The following POLR3H variants were observed in gnomAD, a reference collection of about 807,000 sequenced individuals.
The protein encoded by POLR3H is DNA-directed RNA polymerase III subunit RPC8.
Under a neutral mutation model 25.5 loss-of-function variants are expected in POLR3H, and 17 were observed. The ratio of observed to expected loss-of-function variants is 0.67; its 90% CI spans 0.46 to 1.00. POLR3H has a LOEUF of 1.00. POLR3H is among the 50% of genes least tolerant of loss of function. The pLI, the probability that POLR3H is intolerant of heterozygous loss-of-function variation, is 0.00. For synonymous variants in POLR3H, 129 were observed against 103.0 expected, an observed-to-expected ratio of 1.25 and a Z score of -1.53; for missense variants, 274 against 265.0, an observed-to-expected ratio of 1.03 and a Z score of -0.24.
At position 41,526,530 on chromosome 22, in the gene POLR3H, A is replaced by G; in HGVS notation, c.*2753T>C. On this transcript the variant is annotated 3_prime_UTR_variant, in exon 6 of 6. Transcript: ENST00000355209. ...GCAAGGCAGGTGCAGGGAGGACATT[A>G]GGGGAGTGGAAACTGGGAAGGAGGC... The G allele has an allele frequency of 6.7e-7, 1 of 1,494,180 alleles. No homozygotes were observed. Among genetic ancestry groups the G allele is most frequent in the South Asian group, 1.3e-5 (1 of 76,916 alleles). 92.6% of individuals were successfully genotyped at this position (1,494,180 alleles called of 1,614,324 possible). A position where few individuals can be genotyped will look rare whatever the true frequency, so the allele number is the denominator to read the frequency against.
At chr22:41,532,515 AG>A (rs1159228396) in intron 3 of POLR3H, 143 bp downstream of exon 3, 2 of 1,451,346 alleles carry the variant, frequency 1.4e-6, no homozygotes, top group African/African-American at 1.4e-5. Flanking sequence ...AACACATAAA[AG>A]GGAGGGTGGG....
chr22:41,533,376 A>G (rs1191023772), intron 2 of POLR3H: 6 of 519,074 alleles, frequency 1.2e-5, no homozygotes, highest in African/African-American at 4.1e-5. Context: ...TAGGAGTCCA[A>G]CGCTGACCTG....
Position 41,527,496 on chromosome 22 carries a change from A to G in POLR3H, c.*1787T>C, listed in dbSNP as rs1315196072. 6.5e-7 allele frequency: 1 copy of G among 1,537,792 alleles called. No individual in the cohort carries two copies. The highest frequency in any genetic ancestry group is 8.7e-7 in the Non-Finnish European group (1 of 1,144,894). ...AGGTCACTCTCCCTGCCCGTGGCTG[A>G]GTTGGGCCTGGTTCTAGGCTGTGTC... On this transcript the variant is annotated 3_prime_UTR_variant, in exon 6 of 6. Transcript: ENST00000355209.
chr22:41,533,610 G>T (rs921593299), intron 2 of POLR3H: 1 of 1,301,900 alleles, frequency 7.7e-7, no homozygotes, highest in Non-Finnish European at 1.0e-6. Flanking sequence ...CCATTTAGTC[G>T]GCCAACATGC....
At chr22:41,538,839 A>G (rs1171258888) in intron 2 of POLR3H, among the ~76,000 whole-genome samples, 1 of 152,226 alleles carries the variant, frequency 6.6e-6, no homozygotes, top group African/African-American at 2.4e-5. Flanking sequence ...GGCTGGACAC[A>G]GACACTAGGC....
At position 41,526,097 on chromosome 22, in the gene POLR3H, G is replaced by GT; in HGVS notation, c.*3185dup. 1 of 611,968 alleles carries GT rather than the reference G, an allele frequency of 1.6e-6. No homozygotes were observed. Among genetic ancestry groups the GT allele is most frequent in the African/African-American group, 1.8e-5 (1 of 54,140 alleles). 37.9% of individuals were successfully genotyped at this position (611,968 alleles called of 1,614,324 possible). ...TGGCCTGAGCCCATGTGGCCTTAGG[G>GT]TGGAAGCACCAGGACCACAGAACAC... On this transcript the variant is annotated 3_prime_UTR_variant, in exon 6 of 6. Transcript: ENST00000355209.
At chr22:41,542,407 T>G (rs1284768176) in intron 1 of POLR3H, among the ~76,000 whole-genome samples, 1 of 151,994 alleles carries the variant, frequency 6.6e-6, no homozygotes, top group Non-Finnish European at 1.5e-5. Context: ...CACAGGGCCT[T>G]TGCACATGCC....
intron 2 of POLR3H, chr22:41,539,832 G>A (rs1052012093): frequency 6.5e-6 from 1 of 153,958 alleles, no homozygotes; most frequent in Non-Finnish European, 1.4e-5. Flanking sequence ...GACCGTCCTA[G>A]ATTGTCCAGC....
At chr22:41,541,319 C>G (rs1445241725) in intron 1 of POLR3H, among the ~76,000 whole-genome samples, 1 of 152,166 alleles carries the variant, frequency 6.6e-6, no homozygotes, top group African/African-American at 2.4e-5. Context: ...CACAGCTAAA[C>G]CCCACTGTGC....
At position 41,526,062 on chromosome 22, in the gene POLR3H, G is replaced by T; in HGVS notation, c.*3221C>A. 1.9e-6 allele frequency: 1 copy of T among 539,832 alleles called. No homozygotes were observed. The highest frequency in any genetic ancestry group is 3.3e-6 in the Non-Finnish European group (1 of 304,578). The allele number at this position is 539,832 out of a possible 1,614,324, so 33.4% of individuals were successfully genotyped here. On this transcript the variant is annotated 3_prime_UTR_variant, in exon 6 of 6. Transcript: ENST00000355209. ...CTGAGCAGCCAGAGGCCTTTGAGGG[G>T]ATGAAGGCCTGGCCTGAGCCCATGT...
In POLR3H at chr22:41,530,690, A is replaced by G; in HGVS notation, c.558T>C (p.Leu186=). Reference sequence around the variant, plus strand: ...CAGCACCATCAGAGCCACTCACCACAAGCGTGTACGGAGCCTCCTTCTTTG... The same window carrying G: ...CAGCACCATCAGAGCCACTCACCACGAGCGTGTACGGAGCCTCCTTCTTTG... ...ELPKKEAPYT[L]VGSISEPGLG... Residue 186 remains leucine (L), a synonymous_variant, in exon 5 of 6, where the codon CTT becomes CTC. Transcript: ENST00000355209. 3 of 1,612,418 alleles carry G rather than the reference A, an allele frequency of 1.9e-6. No individual in the cohort carries two copies. Among genetic ancestry groups the G allele is most frequent in the Non-Finnish European group, 2.5e-6 (3 of 1,179,808 alleles).
In POLR3H at chr22:41,527,176, G is replaced by T; in HGVS notation, c.*2107C>A. 1.3e-6 allele frequency: 2 copies of T among 1,523,200 alleles called. No homozygotes were observed. Among genetic ancestry groups the T allele is most frequent in the South Asian group, 2.3e-5 (2 of 86,100 alleles). The allele number at this position is 1,523,200 out of a possible 1,614,324, so 94.4% of individuals were successfully genotyped here. A position where few individuals can be genotyped will look rare whatever the true frequency, so the allele number is the denominator to read the frequency against. ...GAAGGGCCCCTCCAGCCCCTTTACC[G>T]GGAGCCTCAGGATGCCCAGGCGCCA... On this transcript the variant is annotated 3_prime_UTR_variant, in exon 6 of 6. Coordinates refer to ENST00000355209, the MANE Select transcript of POLR3H (RefSeq NM_001018050.4).
At chr22:41,538,618 C>G (rs1047946703) in intron 2 of POLR3H, among the ~76,000 whole-genome samples, 5 of 152,140 alleles carry the variant, frequency 3.3e-5, no homozygotes, top group Non-Finnish European at 7.3e-5. Flanking sequence ...TACCACTTGT[C>G]TCCTGGACAA....
In POLR3H at chr22:41,527,173, A is replaced by C; in HGVS notation, c.*2110T>G. On this transcript the variant is annotated 3_prime_UTR_variant, in exon 6 of 6. Coordinates refer to ENST00000355209, the MANE Select transcript of POLR3H (RefSeq NM_001018050.4). ...GAGGAAGGGCCCCTCCAGCCCCTTT[A>C]CCGGGAGCCTCAGGATGCCCAGGCG... 2 of 1,514,280 alleles carry C rather than the reference A, an allele frequency of 1.3e-6. No individual in the cohort carries two copies. The highest frequency in any genetic ancestry group is 2.3e-5 in the South Asian group (2 of 85,290). 93.8% of individuals were successfully genotyped at this position (1,514,280 alleles called of 1,614,324 possible).
intron 2 of POLR3H, chr22:41,539,889 A>T (rs1376185375): frequency 6.5e-6 from 1 of 154,150 alleles, no homozygotes; most frequent in Non-Finnish European, 1.4e-5. Context: ...GACCGACAGA[A>T]TAGGGAGAAA....
chr22:41,529,648 T>C (rs2066681921), intron 5 of POLR3H: 3 of 663,388 alleles, frequency 4.5e-6, no homozygotes, highest in Admixed American at 1.8e-5. Context: ...ACAAGGCCCA[T>C]GCTCCAGACG....
rs920615256 is a variant in POLR3H at position 41,540,241 on chromosome 22, T to C, written c.208+458A>G. 1.1e-4 allele frequency: 31 copies of C among 275,400 alleles called. No individual in the cohort carries two copies. The Admixed American group carries it at 1.3e-3, about 12-fold the overall frequency. The allele number at this position is 275,400 out of a possible 1,614,324, so 17.1% of individuals were successfully genotyped here. A position where few individuals can be genotyped will look rare whatever the true frequency, so the allele number is the denominator to read the frequency against. ...CACAGGCAGCGGGAAGCCCGAGGAATGGACAAGGTGCAGGGCTCAGTAGCA... is the reference window on the plus strand; with the variant it reads ...CACAGGCAGCGGGAAGCCCGAGGAACGGACAAGGTGCAGGGCTCAGTAGCA... On this transcript the variant is annotated intron_variant, in intron 2 of 5. Coordinates refer to ENST00000355209, the MANE Select transcript of POLR3H (RefSeq NM_001018050.4).
Position 41,528,770 on chromosome 22 carries a change from GT to G in POLR3H, c.*512del. 5.4e-6 allele frequency: 6 copies of G among 1,105,874 alleles called. No homozygotes were observed. Among genetic ancestry groups the G allele is most frequent in the Non-Finnish European group, 6.2e-6 (5 of 805,432 alleles). 68.5% of individuals were successfully genotyped at this position (1,105,874 alleles called of 1,614,324 possible). A position where few individuals can be genotyped will look rare whatever the true frequency, so the allele number is the denominator to read the frequency against. ...AGCCCACGGAGTGACTGTGGTTGTG[GT>G]GGGGGGGTTCTTAAAATAACTTTTT... is the stretch of plus-strand genomic sequence containing the variant. On this transcript the variant is annotated 3_prime_UTR_variant, in exon 6 of 6. Coordinates refer to ENST00000355209, the MANE Select transcript of POLR3H (RefSeq NM_001018050.4).
At position 41,526,158 on chromosome 22, in the gene POLR3H, C is replaced by T; in HGVS notation, c.*3125G>A. On this transcript the variant is annotated 3_prime_UTR_variant, in exon 6 of 6. Transcript: ENST00000355209. ...ACTTGCCTGCCTCTCACCCCTCTGT[C>T]ACCCCTCCTGGGCCCCGGGGCCTGC... is the stretch of plus-strand genomic sequence containing the variant. 3 of 1,021,804 alleles carry T rather than the reference C, an allele frequency of 2.9e-6. No individual in the cohort carries two copies. The highest frequency in any genetic ancestry group is 4.3e-6 in the Non-Finnish European group (3 of 689,670). 63.3% of individuals were successfully genotyped at this position (1,021,804 alleles called of 1,614,324 possible).
Sources: gnomAD v4.1 joint callset for allele counts (sites outside exome capture counted in the v4.1 genomes callset) on GRCh38, gnomAD v4.1.1 for gene constraint, MANE v1.5 for transcripts, NCBI Gene and HGNC (gene_info 2026-07-23, HGNC 2026-07-21) for gene names.